Variants in CELF2 observed in about 807,000 individuals in gnomAD.
The protein encoded by CELF2 is CUGBP Elav-like family member 2, also known as CUG triplet repeat RNA-binding protein 2.
A neutral mutation model predicts 62.6 loss-of-function variants in CELF2; 8 were observed. The observed-to-expected ratio is 0.13, with a 90% CI of 0.07 to 0.23. CELF2 has a LOEUF of 0.23. Among genes scored for constraint, CELF2 ranks in the 10% least tolerant of loss-of-function variants. The pLI, the probability that CELF2 is intolerant of heterozygous loss-of-function variation, is 1.00. For missense variants in CELF2, 333 were observed against 671.0 expected (o/e 0.50, Z 5.56); for synonymous variants, 258 against 250.0 (o/e 1.03, Z -0.30).
At position 11,178,697 on chromosome 10, in the gene CELF2, A is replaced by T. The variant is rs546293543; in HGVS notation, c.271+13015A>T. ...ATGGCAGAGTTTGATTGTTTAACCT[A>T]GACTAATCAGTCTTTGGAGGGCCTG... On this transcript the variant is annotated intron_variant, in intron 2 of 12. Coordinates refer to ENST00000633077, the MANE Select transcript of CELF2 (RefSeq NM_001326342.2). The surrounding 1 kb of genome is among the most constrained non-coding windows in gnomAD (Gnocchi z 4.3). Among the ~76,000 whole-genome samples the T allele has an allele frequency of 5.9e-5, 9 of 152,292 alleles. No individual in the cohort carries two copies. The South Asian group carries it at 1.7e-3, about 28-fold the overall frequency.
chr10:11,024,703 A>G (rs1421848872), intron 1 of CELF2, among the ~76,000 whole-genome samples: 3 of 152,214 alleles, frequency 2.0e-5, no homozygotes, highest in South Asian at 2.1e-4. Context: ...TGTCATAACC[A>G]TGGAAATCCA....
At chr10:10,698,195 G>T in the CELF2 span, among the ~76,000 whole-genome samples, 2 of 152,188 alleles carry the variant, frequency 1.3e-5, no homozygotes, top group Non-Finnish European at 2.9e-5. Flanking sequence ...CAATATGACA[G>T]TAAATCTATG....
At chr10:10,539,247 A>G in the CELF2 span, among the ~76,000 whole-genome samples, 169 of 152,376 alleles carry the variant, frequency 1.1e-3, no homozygotes, top group African/African-American at 3.9e-3. Context: ...TACATATTCT[A>G]TGGGCTTTCA....
the CELF2 span, among the ~76,000 whole-genome samples, chr10:10,733,102 T>G: frequency 6.6e-6 from 1 of 152,102 alleles, no homozygotes; most frequent in Non-Finnish European, 1.5e-5. Context: ...TAACAGTCAA[T>G]CAAGCAATGA....
chr10:10,788,453 CTT>C, the CELF2 span, among the ~76,000 whole-genome samples: 38 of 95,718 alleles, frequency 4.0e-4, no homozygotes, highest in African/African-American at 1.4e-3. Flanking sequence ...TTCTTTCCAT[CTT>C]TTTTTTTTTT....
rs1170818592 is a variant in CELF2, at chr10:11,227,501, A to G, written c.354+9994A>G. Among the ~76,000 whole-genome samples, 1 of 152,208 alleles carries G rather than the reference A, an allele frequency of 6.6e-6. No homozygotes were observed. The highest frequency in any genetic ancestry group is 2.4e-5 in the African/African-American group (1 of 41,444). On this transcript the variant is annotated intron_variant, in intron 3 of 12. Coordinates refer to ENST00000633077, the MANE Select transcript of CELF2 (RefSeq NM_001326342.2). This position sits in a 1 kb window ranked among gnomAD's most constrained non-coding sequence, Gnocchi z 4.8. ...TCTGCATGAAGTGCTGGAAGCTTGG[A>G]CATTCCTAGGCCAGTTAGGATCAAA...
chr10:11,213,387 G>A (rs187522655), intron 2 of CELF2, among the ~76,000 whole-genome samples: 26 of 152,328 alleles, frequency 1.7e-4, no homozygotes, highest in Non-Finnish European at 2.9e-4. Context: ...TACAGCTGGC[G>A]TGGGGAAATC....
chr10:11,216,341 T>C (rs956086124), intron 2 of CELF2, among the ~76,000 whole-genome samples: 1 of 152,188 alleles, frequency 6.6e-6, no homozygotes, highest in Non-Finnish European at 1.5e-5. Context: ...CTCTCAAAGC[T>C]CTTCTGGCCC....
At chr10:10,652,437 G>T in the CELF2 span, among the ~76,000 whole-genome samples, 2 of 129,000 alleles carry the variant, frequency 1.6e-5, no homozygotes, top group Non-Finnish European at 3.3e-5. Context: ...CACCAAAGTT[G>T]AAATGAAGGA....
intron 2 of CELF2, among the ~76,000 whole-genome samples, chr10:11,192,724 G>A (rs886605252): frequency 6.6e-6 from 1 of 152,178 alleles, no homozygotes; most frequent in African/African-American, 2.4e-5. Context: ...GTTCACATGG[G>A]ACTCAAATGG....
rs1276997035 is a variant in CELF2 at position 11,330,693 on chromosome 10, T to C, written c.*1640T>C. On this transcript the variant is annotated 3_prime_UTR_variant, in exon 13 of 13. Coordinates refer to ENST00000633077, the MANE Select transcript of CELF2 (RefSeq NM_001326342.2). The surrounding 1 kb of genome is among the most constrained non-coding windows in gnomAD (Gnocchi z 4.5). ...TGCATTCATGCAAGACTGAAATTTA[T>C]TATTAGACAAATTCATTATAGAAAA... 1 of 152,644 alleles carries C rather than the reference T, an allele frequency of 6.6e-6. No homozygotes were observed. The highest frequency in any genetic ancestry group is 1.5e-5 in the Non-Finnish European group (1 of 68,034). 9.5% of individuals were successfully genotyped at this position (152,644 alleles called of 1,614,324 possible).
rs117083831 is a variant in CELF2, at chr10:10,891,567, C to A, written c.54-28397C>A. On this transcript the variant is annotated intron_variant, in intron 1 of 13. Transcript: ENST00000636488. The stretch of plus-strand genomic sequence containing the variant: ...TGTGTCATGTTTCTCATTTTTCAAA[C>A]GAACAAACTGCTGCTCAGATGTTGA... Among the ~76,000 whole-genome samples, 1,219 of 151,974 alleles carry A rather than the reference C, an allele frequency of 8.0e-3. 7 individuals are homozygous for A. The highest frequency in any genetic ancestry group is 0.021 in the Middle Eastern group (6 of 292).
chr10:11,309,493 T>TCA lies in CELF2; in HGVS notation c.977-4646_977-4645insCA, dbSNP rs1229017476. Among the ~76,000 whole-genome samples the TCA allele has an allele frequency of 1.3e-5, 2 of 152,370 alleles. No individual in the cohort carries two copies. The highest frequency in any genetic ancestry group is 4.8e-5 in the African/African-American group (2 of 41,586). On this transcript the variant is annotated intron_variant, in intron 9 of 12. Coordinates refer to ENST00000633077, the MANE Select transcript of CELF2 (RefSeq NM_001326342.2). This position sits in a 1 kb window ranked among gnomAD's most constrained non-coding sequence, Gnocchi z 5.6. ...CACTGCCTCTTTGCCTGATCTCTGT[T>TCA]AAGTTTCTGGCTGCTGTATCTCTGT...
chr10:10,897,147 G>T (rs1168346155), intron 1 of CELF2, among the ~76,000 whole-genome samples: 2 of 152,176 alleles, frequency 1.3e-5, no homozygotes, highest in Non-Finnish European at 2.9e-5. Flanking sequence ...AGTGAGAAGT[G>T]AAGACCATGG....
intron 1 of CELF2, among the ~76,000 whole-genome samples, chr10:11,062,149 G>C (rs957300721): frequency 5.3e-5 from 8 of 149,970 alleles, no homozygotes; most frequent in Admixed American, 4.0e-4. Flanking sequence ...TACTGCTCAG[G>C]GGGGGAAAAA....
At chr10:10,642,948 A>G in the CELF2 span, among the ~76,000 whole-genome samples, 1 of 152,270 alleles carries the variant, frequency 6.6e-6, no homozygotes, top group South Asian at 2.1e-4. Context: ...CTCTTCTCAG[A>G]GAACAAGGAC....
At chr10:11,132,590 T>C (rs1442176227) in intron 1 of CELF2, among the ~76,000 whole-genome samples, 3 of 152,182 alleles carry the variant, frequency 2.0e-5, no homozygotes, top group Non-Finnish European at 4.4e-5. Flanking sequence ...AAATTGTCTT[T>C]GTGTTAGAAA....
intron 2 of CELF2, chr10:10,970,732 C>G (rs2050667288): frequency 6.6e-6 from 1 of 152,154 alleles, no homozygotes; most frequent in African/African-American, 2.4e-5. Context: ...TCCAAATTAG[C>G]AAAATGAGCA....
chr10:10,970,714 C>T (rs1487558732), intron 2 of CELF2: 1 of 152,166 alleles, frequency 6.6e-6, no homozygotes, highest in East Asian at 1.9e-4. Context: ...CTTGACTCAC[C>T]TCTTCATTCC....
Sources: allele counts gnomAD v4.1 joint callset (sites outside exome capture counted in the v4.1 genomes callset), GRCh38; gene constraint gnomAD v4.1.1; non-coding constraint Gnocchi (gnomAD v3.1); transcripts MANE v1.5; gene names NCBI Gene and HGNC (gene_info 2026-07-23, HGNC 2026-07-21).